KPNA3: variants seen among roughly 807,000 people sequenced by gnomAD.
KPNA3 encodes karyopherin subunit alpha 3.
Under a neutral mutation model 73.8 loss-of-function variants are expected in KPNA3, and 13 were observed. The observed-to-expected ratio is 0.18, with a 90% CI of 0.11 to 0.28. KPNA3 has a LOEUF of 0.28. Ranked by LOEUF, KPNA3 falls within the 10% of genes least tolerant of loss-of-function variation. KPNA3 has a pLI of 1.00. For missense variants in KPNA3, 360 were observed against 618.1 expected (o/e 0.58, Z 4.43); for synonymous variants, 186 against 206.9 (o/e 0.90, Z 0.87).
rs1239052466 is a variant in KPNA3 at position 49,741,737 on chromosome 13, A to C, written c.114+5212T>G. 2.0e-5 allele frequency among the ~76,000 whole-genome samples: 3 copies of C among 152,204 alleles called. No homozygotes were observed. In the South Asian group the frequency reaches 6.2e-4, roughly 31 times the overall value. ...CCAAAGTGCTGGGATTATAGGCGTG[A>C]GCCACCGTGCCCAATCCTTGCCCAT... On this transcript the variant is annotated intron_variant, in intron 2 of 16. Transcript: ENST00000261667.
At chr13:49,710,852 A>T in intron 11 of KPNA3, 39 bp downstream of exon 11, 1 of 1,581,598 alleles carries the variant, frequency 6.3e-7, no homozygotes, top group East Asian at 2.2e-5. Context: ...TATAGCAAAC[A>T]CAACTGTATA....
chr13:49,718,801 C>A (rs1013555996), intron 10 of KPNA3, among the ~76,000 whole-genome samples: 1 of 152,114 alleles, frequency 6.6e-6, no homozygotes, highest in African/African-American at 2.4e-5. Flanking sequence ...AGCTTAAAAT[C>A]TGCAAATGAG....
chr13:49,722,738 C>G (rs907903143), intron 7 of KPNA3, among the ~76,000 whole-genome samples, 175 bp from the exon 8 acceptor site: 6 of 147,552 alleles, frequency 4.1e-5, no homozygotes, highest in African/African-American at 1.5e-4. Context: ...TAGTAATAGT[C>G]AAGTACCGTA....
At chr13:49,739,423 T>C (rs902831549) in intron 2 of KPNA3, among the ~76,000 whole-genome samples, 6 of 152,198 alleles carry the variant, frequency 3.9e-5, no homozygotes, top group Non-Finnish European at 8.8e-5. Context: ...CTATGCAAGT[T>C]ACTTAATTCC....
At chr13:49,790,507 T>G (rs1240818661) in intron 1 of KPNA3, among the ~76,000 whole-genome samples, 1 of 152,230 alleles carries the variant, frequency 6.6e-6, no homozygotes, top group African/African-American at 2.4e-5. Flanking sequence ...AATGCCACAC[T>G]TCATATACTT....
chr13:49,768,567 A>ATTTTTTT (rs67753113), intron 1 of KPNA3, among the ~76,000 whole-genome samples: 1 of 64,894 alleles, frequency 1.5e-5, no homozygotes, highest in African/African-American at 6.2e-5. Context: ...GGGTTAATCA[A>ATTTTTTT]TTTTTTTTTT....
chr13:49,706,511 CAA>C, intron 12 of KPNA3, 139 bp from the exon 13 acceptor site: 1 of 560,130 alleles, frequency 1.8e-6, no homozygotes, highest in Non-Finnish European at 3.1e-6. Flanking sequence ...ATTAGGTATA[CAA>C]AATCTTCCAT....
chr13:49,759,618 A>G (rs1203372118), intron 1 of KPNA3, among the ~76,000 whole-genome samples: 1 of 152,200 alleles, frequency 6.6e-6, no homozygotes. Flanking sequence ...AGATTCTCAT[A>G]AGGAACATGC....
chr13:49,762,405 C>A (rs1029754411), intron 1 of KPNA3, among the ~76,000 whole-genome samples: 1 of 152,006 alleles, frequency 6.6e-6, no homozygotes, highest in Non-Finnish European at 1.5e-5. Flanking sequence ...ATGATGATGG[C>A]GGTTTTGTGG....
chr13:49,752,366 C>T (rs1954670104), intron 1 of KPNA3, among the ~76,000 whole-genome samples: 1 of 152,146 alleles, frequency 6.6e-6, no homozygotes, highest in Non-Finnish European at 1.5e-5. Context: ...CCACTTCTTG[C>T]TCTTAAAAGT....
At chr13:49,789,855 G>A (rs766581764) in intron 1 of KPNA3, among the ~76,000 whole-genome samples, 1 of 152,010 alleles carries the variant, frequency 6.6e-6, no homozygotes, top group Non-Finnish European at 1.5e-5. Flanking sequence ...CCTTTGCCTG[G>A]CCACCTTTCT....
chr13:49,735,058 C>T (rs1954509671), intron 2 of KPNA3, among the ~76,000 whole-genome samples: 1 of 151,852 alleles, frequency 6.6e-6, no homozygotes, highest in South Asian at 2.1e-4. Context: ...GGTAACAACC[C>T]CTGCATTTAA....
intron 9 of KPNA3, 122 bp downstream of exon 9, chr13:49,721,833 A>G: frequency 6.1e-6 from 4 of 654,578 alleles, no homozygotes; most frequent in Non-Finnish European, 9.4e-6. Flanking sequence ...ACAAACAAAC[A>G]AACAAAAAAC....
At chr13:49,781,380 C>G (rs1014095784) in intron 1 of KPNA3, among the ~76,000 whole-genome samples, 3 of 152,166 alleles carry the variant, frequency 2.0e-5, no homozygotes, top group Non-Finnish European at 4.4e-5. Flanking sequence ...CCCTTCCTAA[C>G]TGTATGTTCT....
At chr13:49,758,031 A>C (rs556536200) in intron 1 of KPNA3, among the ~76,000 whole-genome samples, 3 of 152,276 alleles carry the variant, frequency 2.0e-5, no homozygotes, top group Non-Finnish European at 4.4e-5. Flanking sequence ...GATATACATC[A>C]GATGCTGAGG....
chr13:49,723,868 T>TA (rs34273881), intron 7 of KPNA3, among the ~76,000 whole-genome samples: 32,387 of 127,666 alleles, frequency 0.25, 4,504 homozygotes, highest in Non-Finnish European at 0.34. Context: ...GACTCCGTCT[T>TA]AAAAAAAAAA....
intron 1 of KPNA3, among the ~76,000 whole-genome samples, chr13:49,785,394 CTCA>C (rs1028665831): frequency 9.9e-5 from 15 of 152,228 alleles, no homozygotes; most frequent in Admixed American, 9.2e-4. Context: ...CAAGAAGCCT[CTCA>C]AGTTTCAAAT....
intron 2 of KPNA3, among the ~76,000 whole-genome samples, chr13:49,743,623 T>C (rs1954592640): frequency 6.8e-6 from 1 of 148,060 alleles, no homozygotes; most frequent in Non-Finnish European, 1.5e-5. Context: ...CTAAGGTGAA[T>C]ATTTAAAAAG....
chr13:49,789,672 C>T lies in KPNA3; in HGVS notation c.69+2766G>A, dbSNP rs1955017007. ...GTTGTACTGTTTCTAATGGACAAGA[C>T]TAAGCATGGTTATCTACTCTTAGAT... is the stretch of plus-strand genomic sequence containing the variant. On this transcript the variant is annotated intron_variant, in intron 1 of 16. Transcript: ENST00000261667. Among the ~76,000 whole-genome samples the T allele has an allele frequency of 5.3e-5, 8 of 152,350 alleles. 1 individual carries two copies. The South Asian group carries it at 1.7e-3, about 32-fold the overall frequency.
Sources: gnomAD v4.1 joint callset for allele counts (sites outside exome capture counted in the v4.1 genomes callset) on GRCh38, gnomAD v4.1.1 for gene constraint, MANE v1.5 for transcripts, NCBI Gene and HGNC (gene_info 2026-07-23, HGNC 2026-07-21) for gene names.